TMEM108: variants seen among roughly 807,000 people sequenced by gnomAD.
TMEM108 encodes the protein transmembrane protein 108, also known as cancer/testis antigen 124.
In TMEM108, 12 loss-of-function variants were observed where a neutral mutation model predicts 35.1. The observed-to-expected ratio is 0.34, with a 90% CI of 0.22 to 0.55. The LOEUF is 0.55. Among genes scored for constraint, TMEM108 ranks in the 20% least tolerant of loss-of-function variants. The probability of loss-of-function intolerance (pLI) is 0.89; values close to 1 mark genes in which losing one functional copy is unlikely to be tolerated. For synonymous variants in TMEM108, 287 were observed against 308.6 expected (o/e 0.93, Z 0.73); for missense variants, 680 against 753.3 (o/e 0.90, Z 1.14).
chr3:133,115,930 G>C lies in TMEM108; in HGVS notation c.-47+69910G>C, dbSNP rs532528542. Among the ~76,000 whole-genome samples the C allele has an allele frequency of 7.2e-5, 11 of 152,264 alleles. No homozygotes were observed. In the East Asian group the frequency reaches 2.1e-3, roughly 29 times the overall value. The stretch of plus-strand genomic sequence containing the variant: ...CATGTGTGAGTTTTTCTTGTTGCCT[G>C]TCTTATTCAACTGATTTCAGTGGGG... On this transcript the variant is annotated intron_variant, in intron 2 of 5. Transcript: ENST00000321871.
At chr3:133,114,422 C>T (rs1324030991) in intron 2 of TMEM108, among the ~76,000 whole-genome samples, 2 of 152,104 alleles carry the variant, frequency 1.3e-5, no homozygotes, top group East Asian at 1.9e-4. Flanking sequence ...GAGATGCTGG[C>T]GAGTCATAAT....
intron 3 of TMEM108, among the ~76,000 whole-genome samples, chr3:133,252,357 G>C (rs1386381127): frequency 6.6e-6 from 1 of 152,040 alleles, no homozygotes; most frequent in Non-Finnish European, 1.5e-5. Context: ...TGTATAAATT[G>C]TGTCCTCCAG....
chr3:133,320,834 G>A (rs907872856), intron 3 of TMEM108, among the ~76,000 whole-genome samples: 5 of 152,132 alleles, frequency 3.3e-5, no homozygotes, highest in Admixed American at 1.3e-4. Context: ...GCAGAAACCC[G>A]ACAAGCCAGA....
intron 3 of TMEM108, among the ~76,000 whole-genome samples, chr3:133,359,997 A>G (rs2072294196): frequency 1.4e-5 from 2 of 139,694 alleles, no homozygotes; most frequent in African/African-American, 5.2e-5. Context: ...ATGGAATACT[A>G]CTCAACAGTT....
intron 2 of TMEM108, among the ~76,000 whole-genome samples, chr3:133,201,529 T>A (rs765101346): frequency 9.2e-5 from 14 of 151,874 alleles, no homozygotes; most frequent in Non-Finnish European, 1.8e-4. Context: ...CAACCCCTAT[T>A]TATGAGTGAG....
At chr3:133,103,082 A>T (rs1404605415) in intron 2 of TMEM108, among the ~76,000 whole-genome samples, 1 of 152,204 alleles carries the variant, frequency 6.6e-6, no homozygotes, top group Non-Finnish European at 1.5e-5. Context: ...TTCCATTATT[A>T]GGTATATACC....
intron 3 of TMEM108, among the ~76,000 whole-genome samples, chr3:133,348,125 C>G (rs959511047): frequency 2.7e-5 from 4 of 150,758 alleles, no homozygotes; most frequent in Admixed American, 6.6e-5. Context: ...GAGGGGGGGG[C>G]CAGATTTGCT....
intron 2 of TMEM108, among the ~76,000 whole-genome samples, chr3:133,072,016 C>T (rs1396217815): frequency 1.3e-5 from 2 of 152,178 alleles, no homozygotes; most frequent in African/African-American, 4.8e-5. Flanking sequence ...AGACAAGCGT[C>T]CAACTTCATT....
At chr3:133,363,412 C>A (rs1250384799) in intron 3 of TMEM108, among the ~76,000 whole-genome samples, 1 of 130,930 alleles carries the variant, frequency 7.6e-6, no homozygotes, top group South Asian at 2.5e-4. Flanking sequence ...TTCTGCTTTT[C>A]ATTATTTTTT....
chr3:133,247,034 T>C (rs1461724122), intron 3 of TMEM108: 1 of 152,202 alleles, frequency 6.6e-6, no homozygotes, highest in East Asian at 1.9e-4. Context: ...TGTCCAGGGC[T>C]CAGATGCCCA....
At chr3:133,167,395 G>A (rs1018959939) in intron 2 of TMEM108, among the ~76,000 whole-genome samples, 4 of 152,372 alleles carry the variant, frequency 2.6e-5, no homozygotes, top group Middle Eastern at 6.8e-3. Flanking sequence ...CGCGCTGTGC[G>A]CCCGCACTCC....
intron 2 of TMEM108, among the ~76,000 whole-genome samples, chr3:133,097,971 G>C (rs1325543679): frequency 6.6e-6 from 1 of 152,204 alleles, no homozygotes; most frequent in Non-Finnish European, 1.5e-5. Flanking sequence ...GAGAAGGGCT[G>C]CCTTGTGAGG....
At chr3:133,073,388 C>T (rs779400247) in intron 2 of TMEM108, among the ~76,000 whole-genome samples, 15 of 148,610 alleles carry the variant, frequency 1.0e-4, no homozygotes, top group South Asian at 2.1e-4. Flanking sequence ...TTTGTCTTTC[C>T]GTGCCTGGCT....
chr3:133,322,633 A>G (rs925303940), intron 3 of TMEM108, among the ~76,000 whole-genome samples: 7 of 152,192 alleles, frequency 4.6e-5, no homozygotes, highest in African/African-American at 1.4e-4. Flanking sequence ...ATTCCAAAAG[A>G]TAGAGAAACA....
intron 1 of TMEM108, among the ~76,000 whole-genome samples, chr3:133,043,224 T>C (rs1943295200): frequency 1.3e-5 from 2 of 152,214 alleles, no homozygotes; most frequent in African/African-American, 2.4e-5. Flanking sequence ...TGTAATCTTA[T>C]GTATTTGATC....
At chr3:133,302,499 G>A (rs1947243074) in intron 3 of TMEM108, among the ~76,000 whole-genome samples, 1 of 126,176 alleles carries the variant, frequency 7.9e-6, no homozygotes, top group African/African-American at 3.1e-5. Flanking sequence ...CGGCTCACTT[G>A]CAAGCTCTGC....
At chr3:133,160,014 G>T (rs894073979) in intron 2 of TMEM108, among the ~76,000 whole-genome samples, 1 of 152,212 alleles carries the variant, frequency 6.6e-6, no homozygotes, top group Non-Finnish European at 1.5e-5. Flanking sequence ...GAATCAAACA[G>T]CACATGCTAG....
intron 2 of TMEM108, among the ~76,000 whole-genome samples, chr3:133,179,506 G>C (rs1945295793): frequency 6.6e-6 from 1 of 152,086 alleles, no homozygotes; most frequent in African/African-American, 2.4e-5. Context: ...GTCCTTTGTA[G>C]GGACATGGAT....
chr3:133,251,842 C>G (rs902621071), intron 3 of TMEM108, among the ~76,000 whole-genome samples: 2 of 152,132 alleles, frequency 1.3e-5, no homozygotes, highest in Non-Finnish European at 2.9e-5. Context: ...CATCTCTGTT[C>G]TTAGCTCTAA....
Sources: gnomAD v4.1 joint callset for allele counts (sites outside exome capture counted in the v4.1 genomes callset) on GRCh38, gnomAD v4.1.1 for gene constraint, MANE v1.5 for transcripts, NCBI Gene and HGNC (gene_info 2026-07-23, HGNC 2026-07-21) for gene names.